Variants in COX7A2L observed in about 807,000 individuals in gnomAD.
COX7A2L encodes the protein cytochrome c oxidase subunit 7A2 like.
COX7A2L carries 18 observed loss-of-function variants against 14.2 expected under a neutral mutation model. The observed-to-expected ratio is 1.27, with a 90% CI of 0.88 to 1.88. The LOEUF (loss-of-function observed/expected upper bound fraction) is 1.88, where lower values mean the gene tolerates loss of function less well. Ranked by LOEUF, COX7A2L falls within the 40% of genes most tolerant of loss-of-function variation. COX7A2L has a pLI of 0.00. For synonymous variants in COX7A2L, 65 were observed against 57.4 expected, an observed-to-expected ratio of 1.13 and a Z score of -0.60; for missense variants, 179 against 138.8, an observed-to-expected ratio of 1.29 and a Z score of -1.46.
downstream of COX7A2L, among the ~76,000 whole-genome samples, chr2:42,344,346 C>T (rs10183278): frequency 0.61 from 92,064 of 151,952 alleles, 28,485 homozygotes; most frequent in East Asian, 0.74. Context: ...ACCTACAACT[C>T]TGTCCCAAAA....
intron 2 of COX7A2L, chr2:42,352,879 A>T (rs776635382): frequency 1.8e-5 from 6 of 331,896 alleles, no homozygotes; most frequent in Non-Finnish European, 3.3e-5. Flanking sequence ...CACGAAGTCA[A>T]ATATATATAT....
chr2:42,342,532 G>T lies in COX7A2L; in HGVS notation c.193-8663C>A, dbSNP rs1426935211. Among the ~76,000 whole-genome samples, 1 of 152,120 alleles carries T rather than the reference G, an allele frequency of 6.6e-6. No individual in the cohort carries two copies. Among genetic ancestry groups the T allele is most frequent in the Non-Finnish European group, 1.5e-5 (1 of 68,026 alleles). Reference sequence around the variant, plus strand: ...TCTTCCTAAAACCTTCTCTGCCAAAGGGGAGGCAACGCCACCATTTCTCAC... The same window carrying T: ...TCTTCCTAAAACCTTCTCTGCCAAATGGGAGGCAACGCCACCATTTCTCAC... On this transcript the variant is annotated intron_variant, in intron 2 of 2. Coordinates refer to the COX7A2L transcript ENST00000468711. The surrounding 1 kb of genome is among the most constrained non-coding windows in gnomAD (Gnocchi z 4.9).
downstream of COX7A2L, among the ~76,000 whole-genome samples, chr2:42,345,019 G>A (rs1027032077): frequency 6.6e-6 from 1 of 152,188 alleles, no homozygotes; most frequent in African/African-American, 2.4e-5. Context: ...AGAAGGGAAT[G>A]AAGTTTCGTG....
intron 2 of COX7A2L, among the ~76,000 whole-genome samples, chr2:42,340,698 C>G (rs1268080967): frequency 2.6e-5 from 4 of 152,106 alleles, no homozygotes; most frequent in Admixed American, 6.5e-5. Flanking sequence ...ACGTGAGGTG[C>G]AAGTTCAACA....
At position 42,351,257 on chromosome 2, in the gene COX7A2L, T is replaced by C; in HGVS notation, c.307A>G (p.Ile103Val). The C allele has an allele frequency of 6.2e-7, 1 of 1,614,150 alleles. No individual in the cohort carries two copies. The highest frequency in any genetic ancestry group is 1.1e-5 in the South Asian group (1 of 91,070). ...GGCTGCGAAGCCATGTAGAGGGCGA[T>C]CAGGCAGTAGATGGTCCCTCCCACA... ...LTVGGTIYCL[I>V]ALYMASQPKN... The change falls in exon 3 of 3, where the codon ATC becomes GTC. Residue 103 changes from isoleucine (I) to valine (V), a missense_variant. Physicochemically the swap from Ile to Val is conservative, Grantham distance 29 (BLOSUM62 3). Transcript: ENST00000234301.
intron 1 of COX7A2L, among the ~76,000 whole-genome samples, chr2:42,357,059 G>C (rs1319024452): frequency 6.6e-6 from 1 of 152,170 alleles, no homozygotes; most frequent in Admixed American, 6.5e-5. Flanking sequence ...ACCACGTTTA[G>C]TAATTAAGTT....
chr2:42,354,528 G>A (rs1372839751), intron 1 of COX7A2L, among the ~76,000 whole-genome samples: 7 of 152,226 alleles, frequency 4.6e-5, no homozygotes, highest in South Asian at 2.1e-4. Context: ...TGATCAGTCC[G>A]CTGATTCTTG....
At position 42,339,295 on chromosome 2, in the gene COX7A2L, C is replaced by T. The variant is rs1011377988; in HGVS notation, c.193-5426G>A. 1.3e-5 allele frequency among the ~76,000 whole-genome samples: 2 copies of T among 152,182 alleles called. No individual in the cohort carries two copies. The highest frequency in any genetic ancestry group is 2.4e-5 in the African/African-American group (1 of 41,450). On this transcript the variant is annotated intron_variant, in intron 2 of 2. Transcript: ENST00000468711. This position sits in a 1 kb window ranked among gnomAD's most constrained non-coding sequence, Gnocchi z 5.4. ...CACCACCAGGAGCTGAGGGGTTTCT[C>T]GGGCACAGGATCCCCCCAGCGGCTC...
At chr2:42,368,318 C>G (rs781010270) in intron 1 of COX7A2L, among the ~76,000 whole-genome samples, 3 of 152,146 alleles carry the variant, frequency 2.0e-5, no homozygotes, top group African/African-American at 7.2e-5. Context: ...GAGAGCATTA[C>G]AAAAATCTCT....
chr2:42,368,522 G>A (rs59890734), intron 1 of COX7A2L, among the ~76,000 whole-genome samples: 18,232 of 152,164 alleles, frequency 0.12, 1,126 homozygotes, highest in East Asian at 0.17. Flanking sequence ...GTGCAATGAG[G>A]ACCTTGTTAA....
Position 42,342,685 on chromosome 2 carries a change from T to C in COX7A2L, c.193-8816A>G, listed in dbSNP as rs1036727659. ...CAGCCATGTGACCATGACTAATCTA[T>C]GTCATAGACGAGGTCAGAACAAGAG... On this transcript the variant is annotated intron_variant, in intron 2 of 2. Coordinates refer to the COX7A2L transcript ENST00000468711. The surrounding 1 kb of genome is among the most constrained non-coding windows in gnomAD (Gnocchi z 4.9). 2.0e-5 allele frequency among the ~76,000 whole-genome samples: 3 copies of C among 152,112 alleles called. No individual in the cohort carries two copies. The highest frequency in any genetic ancestry group is 7.2e-5 in the African/African-American group (3 of 41,410).
At chr2:42,359,939 T>G (rs180921991) in intron 1 of COX7A2L, 4 of 152,182 alleles carry the variant, frequency 2.6e-5, no homozygotes, top group African/African-American at 4.8e-5. Context: ...TGCCCCAGGC[T>G]GATCTCAAAC....
downstream of COX7A2L, among the ~76,000 whole-genome samples, chr2:42,349,151 C>T (rs1217536839): frequency 6.6e-6 from 1 of 152,158 alleles, no homozygotes; most frequent in Non-Finnish European, 1.5e-5. Flanking sequence ...TCCATGTAAA[C>T]ATATGTTCAC....
chr2:42,361,251 G>A, upstream of COX7A2L: 2 of 1,263,622 alleles, frequency 1.6e-6, no homozygotes, highest in Middle Eastern at 1.9e-4. Context: ...CCGAGACTCA[G>A]CGCAAGGACC....
rs906299185 is a variant in COX7A2L, at chr2:42,339,910, C to G, written c.193-6041G>C. The stretch of plus-strand genomic sequence containing the variant: ...TCCTCTGTTCACACAACCCGTGAAC[C>G]TCGCTGCTCTCTTCCTCTCCACCCA... On this transcript the variant is annotated intron_variant, in intron 2 of 2. Coordinates refer to the COX7A2L transcript ENST00000468711. The surrounding 1 kb of genome is among the most constrained non-coding windows in gnomAD (Gnocchi z 5.4). Among the ~76,000 whole-genome samples, 2 of 152,176 alleles carry G rather than the reference C, an allele frequency of 1.3e-5. No homozygotes were observed. Among genetic ancestry groups the G allele is most frequent in the African/African-American group, 4.8e-5 (2 of 41,430 alleles).
At chr2:42,362,375 T>A (rs903340109), upstream of COX7A2L, among the ~76,000 whole-genome samples, 1 of 152,226 alleles carries the variant, frequency 6.6e-6, no homozygotes. Context: ...GAAATCATGT[T>A]GCAAATTGAT....
At chr2:42,366,745 T>C (rs534841974) in intron 1 of COX7A2L, among the ~76,000 whole-genome samples, 96 of 152,356 alleles carry the variant, frequency 6.3e-4, no homozygotes, top group African/African-American at 2.2e-3. Context: ...GTCTAGTCTA[T>C]GTTTGTATAA....
chr2:42,347,973 CAG>C (rs199631186), downstream of COX7A2L, among the ~76,000 whole-genome samples: 1,122 of 152,154 alleles, frequency 7.4e-3, 15 homozygotes, highest in African/African-American at 0.025. Flanking sequence ...TCATAATAAA[CAG>C]AGGAAACTGA....
At chr2:42,345,636 C>A (rs1462311086), downstream of COX7A2L, among the ~76,000 whole-genome samples, 3 of 152,208 alleles carry the variant, frequency 2.0e-5, no homozygotes, top group Admixed American at 2.0e-4. Flanking sequence ...GAGTGAAAGA[C>A]CATCATACAG....
Sources: gnomAD v4.1 joint callset for allele counts (sites outside exome capture counted in the v4.1 genomes callset) on GRCh38, gnomAD v4.1.1 for gene constraint, Gnocchi (gnomAD v3.1) non-coding constraint, MANE v1.5 for transcripts, NCBI Gene and HGNC (gene_info 2026-07-23, HGNC 2026-07-21) for gene names.